TSEN2: variants seen among roughly 807,000 people sequenced by gnomAD.
TSEN2 encodes the protein tRNA splicing endonuclease subunit 2.
A neutral mutation model predicts 59.2 loss-of-function variants in TSEN2; 54 were observed. The observed-to-expected ratio is 0.91, with a 90% CI of 0.73 to 1.14. The LOEUF (loss-of-function observed/expected upper bound fraction) is 1.14, where lower values mean the gene tolerates loss of function less well. Among genes scored for constraint, TSEN2 ranks in the 50% most tolerant of loss-of-function variants. The pLI, the probability that TSEN2 is intolerant of heterozygous loss-of-function variation, is 0.00. For synonymous variants in TSEN2, 195 were observed against 198.2 expected, an observed-to-expected ratio of 0.98 and a Z score of 0.14; for missense variants, 636 against 576.2, an observed-to-expected ratio of 1.10 and a Z score of -1.06.
At position 12,503,459 on chromosome 3, in the gene TSEN2, G is replaced by C; in HGVS notation, c.506G>C (p.Arg169Thr). The C allele has an allele frequency of 1.2e-6, 2 of 1,614,216 alleles. No individual in the cohort carries two copies. Among genetic ancestry groups the C allele is most frequent in the South Asian group, 2.2e-5 (2 of 91,084 alleles). Residue 169 changes from arginine (R) to threonine (T), a missense_variant, in exon 5 of 12, where the codon AGA (arginine) becomes ACA (threonine). Arg to Thr is a moderately conservative substitution (Grantham distance 71). Transcript: ENST00000284995. Reference sequence around the variant, plus strand: ...ATGGAAGGCACAGCAGGGGGAGAGAGACCTTCTGTGGTAAACGGGGACTCT... The same window carrying C: ...ATGGAAGGCACAGCAGGGGGAGAGACACCTTCTGTGGTAAACGGGGACTCT... ...SNMEGTAGGERPSVVNGDSGK... is the reference protein window; with the variant it reads ...SNMEGTAGGETPSVVNGDSGK...
At chr3:12,489,286 A>T (rs3888153) in intron 1 of TSEN2, among the ~76,000 whole-genome samples, 1 of 152,234 alleles carries the variant, frequency 6.6e-6, no homozygotes, top group African/African-American at 2.4e-5. Flanking sequence ...GATTGACCCA[A>T]TGTTTAGTGT....
At chr3:12,525,081 C>T (rs780108565) in intron 8 of TSEN2, among the ~76,000 whole-genome samples, 5 of 152,100 alleles carry the variant, frequency 3.3e-5, no homozygotes, top group Non-Finnish European at 7.4e-5. Context: ...CTTCTTGTTT[C>T]GTTTGTCATG....
At chr3:12,502,332 G>A (rs1163994706) in intron 4 of TSEN2, among the ~76,000 whole-genome samples, 3 of 151,954 alleles carry the variant, frequency 2.0e-5, no homozygotes, top group Admixed American at 2.0e-4. Flanking sequence ...GATCTCTTGA[G>A]GTCAGGAGTT....
At chr3:12,538,306 C>G (rs1338137010), downstream of TSEN2, among the ~76,000 whole-genome samples, 12 of 152,296 alleles carry the variant, frequency 7.9e-5, no homozygotes, top group African/African-American at 2.2e-4. Flanking sequence ...TGAAGTGGTT[C>G]GGGCTCCCGA....
chr3:12,483,834 C>T (rs959479841), upstream of TSEN2, among the ~76,000 whole-genome samples: 8 of 152,208 alleles, frequency 5.3e-5, no homozygotes, highest in Non-Finnish European at 1.2e-4. Context: ...CAGTTTTGCT[C>T]ATCTCCCGTA....
chr3:12,534,803 CAAAA>C (rs34727253), downstream of TSEN2, among the ~76,000 whole-genome samples: 51 of 68,988 alleles, frequency 7.4e-4, no homozygotes, highest in Admixed American at 2.5e-3. Context: ...GACTCTGTCT[CAAAA>C]AAAAAAAAAA....
At chr3:12,502,905 C>G (rs2054445261) in intron 4 of TSEN2, among the ~76,000 whole-genome samples, 1 of 151,860 alleles carries the variant, frequency 6.6e-6, no homozygotes, top group Non-Finnish European at 1.5e-5. Flanking sequence ...AACCCCATCT[C>G]TACTAAAAAT....
chr3:12,515,585 G>A (rs978349838), intron 6 of TSEN2, among the ~76,000 whole-genome samples: 6 of 152,154 alleles, frequency 3.9e-5, no homozygotes, highest in African/African-American at 7.2e-5. Context: ...GACCCTAAGC[G>A]CCCTGGACAG....
intron 3 of TSEN2, 141 bp from the exon 4 acceptor site, chr3:12,496,377 T>C: frequency 1.2e-6 from 1 of 851,464 alleles, no homozygotes; most frequent in Non-Finnish European, 2.0e-6. Flanking sequence ...GAAAGCATAT[T>C]TTTGCCATTA....
upstream of TSEN2, among the ~76,000 whole-genome samples, chr3:12,480,242 C>T (rs535984900): frequency 6.6e-6 from 1 of 152,336 alleles, no homozygotes; most frequent in East Asian, 1.9e-4. Context: ...GCTCCAACCT[C>T]CTGCCCCGGC....
At chr3:12,507,186 C>A (rs886628217) in intron 6 of TSEN2, among the ~76,000 whole-genome samples, 1 of 152,168 alleles carries the variant, frequency 6.6e-6, no homozygotes, top group Admixed American at 6.5e-5. Context: ...GAGTAAGACT[C>A]CGTCTCTAAA....
chr3:12,487,557 T>C (rs942667281), intron 1 of TSEN2, among the ~76,000 whole-genome samples: 7 of 152,174 alleles, frequency 4.6e-5, no homozygotes, highest in Non-Finnish European at 1.0e-4. Flanking sequence ...GCAGAGGTTA[T>C]AAAAGTGAAA....
At chr3:12,516,187 G>A (rs1219401169) in intron 6 of TSEN2, among the ~76,000 whole-genome samples, 2 of 152,142 alleles carry the variant, frequency 1.3e-5, no homozygotes, top group Non-Finnish European at 2.9e-5. Flanking sequence ...CACTTTGGGA[G>A]GCCGAGGCAG....
chr3:12,533,305 A>T lies in TSEN2; in HGVS notation c.*584A>T, dbSNP rs2057578792. On this transcript the variant is annotated 3_prime_UTR_variant, in exon 12 of 12. Transcript: ENST00000284995. ...GCAAAATATAATAAAGCCTTTTTGTAATTGGTGAGAAAGTCATGAAGACTT... is the reference window on the plus strand; with the variant it reads ...GCAAAATATAATAAAGCCTTTTTGTTATTGGTGAGAAAGTCATGAAGACTT... 6.4e-6 allele frequency: 1 copy of T among 155,314 alleles called. No individual in the cohort carries two copies. The highest frequency in any genetic ancestry group is 3.2e-3 in the Middle Eastern group (1 of 316). The allele number at this position is 155,314 out of a possible 1,614,324, so 9.6% of individuals were successfully genotyped here. A position where few individuals can be genotyped will look rare whatever the true frequency, so the allele number is the denominator to read the frequency against.
chr3:12,527,169 GA>G (rs1424965719), intron 8 of TSEN2, among the ~76,000 whole-genome samples: 2 of 152,218 alleles, frequency 1.3e-5, no homozygotes, highest in Admixed American at 1.3e-4. Flanking sequence ...GTGCCTCAGT[GA>G]ATTTGAGCTG....
At chr3:12,527,022 G>A (rs2057138098) in intron 8 of TSEN2, among the ~76,000 whole-genome samples, 1 of 152,180 alleles carries the variant, frequency 6.6e-6, no homozygotes, top group Admixed American at 6.5e-5. Flanking sequence ...TTGCCTAAAG[G>A]CACACAACTT....
At chr3:12,510,142 A>G (rs2031757212) in intron 6 of TSEN2, among the ~76,000 whole-genome samples, 2 of 152,226 alleles carry the variant, frequency 1.3e-5, no homozygotes. Context: ...ATTGAGGTAT[A>G]TCAAAGAGCT....
chr3:12,507,125 G>A (rs1223837735), intron 6 of TSEN2, among the ~76,000 whole-genome samples: 9 of 152,180 alleles, frequency 5.9e-5, no homozygotes, highest in East Asian at 3.8e-4. Context: ...CCCGGGAGGC[G>A]GAGGTTGCAG....
At chr3:12,539,164 C>T (rs1024963366) in exon 11 of TSEN2, 31 of 441,944 alleles carry the variant, frequency 7.0e-5, no homozygotes, top group Admixed American at 5.8e-4. Context: ...GATGTAGTCT[C>T]GCTCTGTCGT....
Sources: allele counts gnomAD v4.1 joint callset (sites outside exome capture counted in the v4.1 genomes callset), GRCh38; gene constraint gnomAD v4.1.1; transcripts MANE v1.5; gene names NCBI Gene and HGNC (gene_info 2026-07-23, HGNC 2026-07-21).